MYO5B: variants seen among roughly 807,000 people sequenced by gnomAD.
MYO5B encodes unconventional myosin-Vb.
A neutral mutation model predicts 229.3 loss-of-function variants in MYO5B; 143 were observed. That is an observed-to-expected ratio of 0.62 (90% CI 0.54 to 0.72). The LOEUF is 0.72. Among genes scored for constraint, MYO5B ranks in the 30% least tolerant of loss-of-function variants. MYO5B has a pLI of 0.00. For missense variants in MYO5B, 2,321 were observed against 2,331.0 expected, an observed-to-expected ratio of 1.00 and a Z score of 0.09; for synonymous variants, 918 against 885.2, an observed-to-expected ratio of 1.04 and a Z score of -0.66.
At chr18:50,067,197 C>T (rs975468418) in intron 1 of MYO5B, among the ~76,000 whole-genome samples, 1 of 152,000 alleles carries the variant, frequency 6.6e-6, no homozygotes, top group Admixed American at 6.6e-5. Flanking sequence ...AGAGATGGGC[C>T]CCATCTTCTC....
intron 14 of MYO5B, among the ~76,000 whole-genome samples, chr18:49,942,770 C>T (rs1437323896): frequency 1.3e-5 from 2 of 152,062 alleles, no homozygotes; most frequent in East Asian, 3.9e-4. Flanking sequence ...GTTGGTGGGA[C>T]TGTAAACTAG....
chr18:50,061,077 GC>G (rs1362611620), intron 1 of MYO5B, among the ~76,000 whole-genome samples: 20 of 152,244 alleles, frequency 1.3e-4, no homozygotes, highest in African/African-American at 4.6e-4. Context: ...TTCCCAAAGA[GC>G]CCCAGCTAAA....
At chr18:49,962,225 C>A in intron 12 of MYO5B, 41 bp downstream of exon 12, 1 of 1,613,126 alleles carries the variant, frequency 6.2e-7, no homozygotes, top group African/African-American at 1.3e-5. Flanking sequence ...TGTATCACAT[C>A]CCTACCCTAG....
intron 1 of MYO5B, among the ~76,000 whole-genome samples, chr18:50,128,520 C>T (rs994782394): frequency 8.5e-5 from 13 of 152,170 alleles, no homozygotes; most frequent in African/African-American, 3.1e-4. Flanking sequence ...ATATACCTGT[C>T]CAGGTAGGAG....
At position 49,937,271 on chromosome 18, in the gene MYO5B, C is replaced by T. The variant is rs1203725499; in HGVS notation, c.1879G>A (p.Glu627Lys). Reference sequence around the variant, plus strand: ...TGGTGGCCAACGGTTTTCTTGTGCTCCTTGTTGGAGACTTTCATGGGGGGT... The same window carrying T: ...TGGTGGCCAACGGTTTTCTTGTGCTTCTTGTTGGAGACTTTCATGGGGGGT... The part of the protein sequence containing the change: ...ARPPMKVSNK[E>K]HKKTVGHQFR... Residue 627 changes from glutamate to lysine, a missense_variant, in exon 15 of 40, where the codon GAG becomes AAG. Glu to Lys is a moderately conservative substitution (Grantham distance 56). This residue lies in a region of MYO5B where 2,113 missense variants were observed against 2,044.7 expected (regional missense o/e 1.03). Transcript: ENST00000285039. The T allele has an allele frequency of 1.2e-6, 2 of 1,613,994 alleles. No individual in the cohort carries two copies. Among genetic ancestry groups the T allele is most frequent in the African/African-American group, 2.7e-5 (2 of 74,912 alleles).
chr18:50,039,488 C>T (rs1315032206), intron 3 of MYO5B, among the ~76,000 whole-genome samples: 2 of 152,036 alleles, frequency 1.3e-5, no homozygotes, highest in East Asian at 3.9e-4. Context: ...CCCGCCACCA[C>T]ACCCGGCTAA....
At chr18:50,019,228 A>G (rs2026248925) in intron 4 of MYO5B, among the ~76,000 whole-genome samples, 1 of 152,180 alleles carries the variant, frequency 6.6e-6, no homozygotes, top group Admixed American at 6.5e-5. Flanking sequence ...ATGTAATATA[A>G]ACGCATAGAA....
intron 2 of MYO5B, among the ~76,000 whole-genome samples, chr18:50,044,613 G>A (rs1598977340): frequency 1.3e-5 from 2 of 152,094 alleles, no homozygotes; most frequent in East Asian, 3.9e-4. Flanking sequence ...CCTAGAGTAG[G>A]AACTGGTCTA....
chr18:49,876,456 T>C (rs561464599), intron 25 of MYO5B, among the ~76,000 whole-genome samples: 1 of 152,344 alleles, frequency 6.6e-6, no homozygotes, highest in South Asian at 2.1e-4. Flanking sequence ...GTAATGTGTA[T>C]GAGCACATCC....
intron 1 of MYO5B, among the ~76,000 whole-genome samples, chr18:50,151,905 C>T (rs1407412861): frequency 6.6e-6 from 1 of 152,156 alleles, no homozygotes; most frequent in Non-Finnish European, 1.5e-5. Context: ...GCTTCCTCAG[C>T]CTGCCTTCCC....
At chr18:50,067,658 C>T (rs2144441036) in intron 1 of MYO5B, among the ~76,000 whole-genome samples, 1 of 152,272 alleles carries the variant, frequency 6.6e-6, no homozygotes, top group Non-Finnish European at 1.5e-5. Flanking sequence ...AGCCTGGCAC[C>T]TCCCTGCTTC....
At chr18:50,146,390 G>C (rs557770207) in intron 1 of MYO5B, among the ~76,000 whole-genome samples, 1 of 152,338 alleles carries the variant, frequency 6.6e-6, no homozygotes, top group South Asian at 2.1e-4. Flanking sequence ...AGCAAACCAG[G>C]AGCCTTCCCT....
intron 1 of MYO5B, among the ~76,000 whole-genome samples, chr18:50,055,868 G>A (rs1324697432): frequency 1.3e-5 from 2 of 152,176 alleles, no homozygotes; most frequent in African/African-American, 4.8e-5. Flanking sequence ...TCGGCAAATG[G>A]AAAGTGTATT....
At chr18:49,978,386 T>C (rs1157001133) in intron 9 of MYO5B, among the ~76,000 whole-genome samples, 1 of 152,128 alleles carries the variant, frequency 6.6e-6, no homozygotes, top group Non-Finnish European at 1.5e-5. Flanking sequence ...ACACTTCACT[T>C]ACAGGCTTAA....
At chr18:50,055,873 T>C (rs921502275) in intron 1 of MYO5B, among the ~76,000 whole-genome samples, 3 of 152,194 alleles carry the variant, frequency 2.0e-5, no homozygotes, top group African/African-American at 7.2e-5. Context: ...AAATGGAAAG[T>C]GTATTTAAGT....
chr18:49,982,627 A>G (rs754788785), intron 8 of MYO5B, among the ~76,000 whole-genome samples: 35 of 152,222 alleles, frequency 2.3e-4, no homozygotes, highest in Admixed American at 8.5e-4. Flanking sequence ...ACTATGGCCC[A>G]CAGCCTGTTT....
intron 2 of MYO5B, among the ~76,000 whole-genome samples, chr18:50,049,231 T>C (rs915612301): frequency 6.6e-6 from 1 of 152,212 alleles, no homozygotes; most frequent in Non-Finnish European, 1.5e-5. Flanking sequence ...GGTACAGATA[T>C]GTCATTTTTA....
chr18:50,043,658 AATATATAAAATATATTTATAAAT>A (rs1250908489), intron 2 of MYO5B, among the ~76,000 whole-genome samples: 2 of 138,920 alleles, frequency 1.4e-5, no homozygotes, highest in East Asian at 2.0e-4. Context: ...TAAATATGTA[AATATATAAAATATATTTATAAAT>A]ATATATAAAT....
intron 4 of MYO5B, among the ~76,000 whole-genome samples, chr18:50,003,327 G>T (rs536314225): frequency 1.3e-5 from 2 of 152,294 alleles, no homozygotes; most frequent in South Asian, 4.2e-4. Flanking sequence ...ATCCTACCCA[G>T]TATTTGGGGG....
Sources: gnomAD v4.1 joint callset for allele counts (sites outside exome capture counted in the v4.1 genomes callset) on GRCh38, gnomAD v4.1.1 for gene constraint, gnomAD v4.1.1 regional missense constraint, MANE v1.5 for transcripts, NCBI Gene and HGNC (gene_info 2026-07-23, HGNC 2026-07-21) for gene names.